The following EXOC6 variants were observed in gnomAD, a reference collection of about 807,000 sequenced individuals.
EXOC6 encodes the protein exocyst complex component 6, also known as SEC15-like 1.
In EXOC6, 60 loss-of-function variants were observed where a neutral mutation model predicts 112.5. The ratio of observed to expected loss-of-function variants is 0.53; its 90% CI spans 0.43 to 0.66. The LOEUF (loss-of-function observed/expected upper bound fraction) is 0.66, where lower values mean the gene tolerates loss of function less well. EXOC6 is among the 30% of genes least tolerant of loss of function. EXOC6 has a pLI of 0.00. For missense variants in EXOC6, 855 were observed against 957.1 expected, an observed-to-expected ratio of 0.89 and a Z score of 1.41; for synonymous variants, 295 against 308.0, an observed-to-expected ratio of 0.96 and a Z score of 0.44.
chr10:92,959,129 G>A (rs1219862675), intron 17 of EXOC6, among the ~76,000 whole-genome samples: 1 of 152,028 alleles, frequency 6.6e-6, no homozygotes, highest in East Asian at 1.9e-4. Context: ...TAATGAATAA[G>A]ATGTGGTATT....
At chr10:92,979,028 G>A (rs760683760) in intron 18 of EXOC6, among the ~76,000 whole-genome samples, 6 of 152,116 alleles carry the variant, frequency 3.9e-5, no homozygotes, top group Non-Finnish European at 7.4e-5. Context: ...AGATTTTCTG[G>A]GATAGAGGTG....
intron 17 of EXOC6, among the ~76,000 whole-genome samples, chr10:92,971,279 C>G (rs983432725): frequency 6.6e-6 from 1 of 152,130 alleles, no homozygotes; most frequent in Non-Finnish European, 1.5e-5. Flanking sequence ...CTCCTGACCC[C>G]GTGATTCACC....
At chr10:92,865,117 T>C (rs955076605) in intron 1 of EXOC6, among the ~76,000 whole-genome samples, 3 of 152,192 alleles carry the variant, frequency 2.0e-5, no homozygotes, top group Non-Finnish European at 2.9e-5. Context: ...ACAAAATCTT[T>C]TTGGAATTCT....
chr10:92,972,740 T>C (rs1346894328), intron 17 of EXOC6, among the ~76,000 whole-genome samples: 1 of 152,182 alleles, frequency 6.6e-6, no homozygotes, highest in Non-Finnish European at 1.5e-5. Flanking sequence ...ATTTCAACAG[T>C]TTCCTTTGGC....
rs886508109 is a variant in EXOC6, at chr10:92,935,943, T to C, written c.1212+58T>C. 5.7e-6 allele frequency: 6 copies of C among 1,060,982 alleles called. No homozygotes were observed. In the African/African-American group the frequency reaches 9.6e-5, roughly 17 times the overall value. The allele number at this position is 1,060,982 out of a possible 1,614,324, so 65.7% of individuals were successfully genotyped here. A position where few individuals can be genotyped will look rare whatever the true frequency, so the allele number is the denominator to read the frequency against. On this transcript the variant is annotated intron_variant, in intron 12 of 21. Transcript: ENST00000260762. Reference sequence around the variant, plus strand: ...TGATCACTTAAAAACATACAAAATATAGGCTATACTCATTTATGTTATTGT... The same window carrying C: ...TGATCACTTAAAAACATACAAAATACAGGCTATACTCATTTATGTTATTGT...
At chr10:93,014,489 T>A (rs1376616598) in intron 20 of EXOC6, among the ~76,000 whole-genome samples, 1 of 152,226 alleles carries the variant, frequency 6.6e-6, no homozygotes, top group African/African-American at 2.4e-5. Context: ...ATATTCAATT[T>A]ATTTAATAGT....
intron 13 of EXOC6, among the ~76,000 whole-genome samples, chr10:92,946,929 C>G (rs1853054135): frequency 6.6e-6 from 1 of 152,034 alleles, no homozygotes; most frequent in African/African-American, 2.4e-5. Flanking sequence ...CCTTGTACTT[C>G]TTGTATTGTA....
intron 15 of EXOC6, among the ~76,000 whole-genome samples, chr10:92,952,871 A>G (rs1306400290): frequency 6.6e-6 from 1 of 152,098 alleles, no homozygotes; most frequent in African/African-American, 2.4e-5. Flanking sequence ...GGGAGGTGCT[A>G]CTGGAACTAG....
Position 92,855,436 on chromosome 10 carries a change from T to C in EXOC6, c.101+6802T>C, listed in dbSNP as rs1437359496. 1.3e-5 allele frequency among the ~76,000 whole-genome samples: 2 copies of C among 152,174 alleles called. 1 individual carries two copies. The highest frequency in any genetic ancestry group is 3.8e-4 in the East Asian group (2 of 5,202). On this transcript the variant is annotated intron_variant, in intron 1 of 21. Coordinates refer to ENST00000260762, the MANE Select transcript of EXOC6 (RefSeq NM_019053.6). ...GTAATGCTGGCCTTATAGAATGAGT[T>C]AGGAAGTGTTCGCTTCTCTTCCACA...
chr10:92,907,049 C>T (rs1850482390), intron 5 of EXOC6, among the ~76,000 whole-genome samples: 1 of 152,174 alleles, frequency 6.6e-6, no homozygotes, highest in Admixed American at 6.5e-5. Flanking sequence ...GACTTCTGCT[C>T]TCTGCCTAAA....
intron 1 of EXOC6, among the ~76,000 whole-genome samples, chr10:92,890,439 A>G (rs2133802952): frequency 6.6e-6 from 1 of 152,264 alleles, no homozygotes; most frequent in South Asian, 2.1e-4. Flanking sequence ...AGCTTCTGTT[A>G]TATGATAGAC....
At chr10:93,033,333 A>C (rs1018099474) in intron 20 of EXOC6, among the ~76,000 whole-genome samples, 5 of 152,204 alleles carry the variant, frequency 3.3e-5, no homozygotes, top group African/African-American at 1.2e-4. Flanking sequence ...AGTAGGTCAT[A>C]GTAGCTCCCA....
At chr10:93,022,754 T>C (rs565028418) in intron 20 of EXOC6, among the ~76,000 whole-genome samples, 1 of 152,228 alleles carries the variant, frequency 6.6e-6, no homozygotes, top group Admixed American at 6.5e-5. Flanking sequence ...ATAAAACTGG[T>C]CTTGAAAAGT....
At chr10:92,858,036 G>A (rs74368617) in intron 1 of EXOC6, among the ~76,000 whole-genome samples, 8 of 90,592 alleles carry the variant, frequency 8.8e-5, no homozygotes, top group Non-Finnish European at 1.4e-4. Flanking sequence ...CCCCTCCGCC[G>A]GCCAGCAGTT....
chr10:92,869,504 C>G (rs965462931), intron 1 of EXOC6, among the ~76,000 whole-genome samples: 4 of 152,046 alleles, frequency 2.6e-5, no homozygotes, highest in Non-Finnish European at 2.9e-5. Context: ...GAGGCAGGGT[C>G]TCACTATGTT....
intron 13 of EXOC6, among the ~76,000 whole-genome samples, chr10:92,941,626 A>G (rs1459363484): frequency 6.6e-6 from 1 of 152,218 alleles, no homozygotes. Context: ...TAAGTATTCA[A>G]AGATATTTTG....
At chr10:93,001,721 A>T (rs11595662) in intron 19 of EXOC6, among the ~76,000 whole-genome samples, 68 of 152,230 alleles carry the variant, frequency 4.5e-4, no homozygotes, top group Non-Finnish European at 7.3e-4. Flanking sequence ...ACCTGTGTAT[A>T]GCAAGCAGCC....
At chr10:93,021,213 G>A (rs1844770214) in intron 20 of EXOC6, among the ~76,000 whole-genome samples, 2 of 151,966 alleles carry the variant, frequency 1.3e-5, no homozygotes, top group Admixed American at 1.3e-4. Context: ...CAGGCATGGT[G>A]GCTCACACCT....
chr10:92,883,795 T>C (rs1849076043), intron 1 of EXOC6, among the ~76,000 whole-genome samples: 1 of 152,214 alleles, frequency 6.6e-6, no homozygotes, highest in African/African-American at 2.4e-5. Flanking sequence ...TTTGAAAAGG[T>C]ATAAAATGAC....
Sources: gnomAD v4.1 joint callset for allele counts (sites outside exome capture counted in the v4.1 genomes callset) on GRCh38, gnomAD v4.1.1 for gene constraint, MANE v1.5 for transcripts, NCBI Gene and HGNC (gene_info 2026-07-23, HGNC 2026-07-21) for gene names.